SDCCAG8: variants seen among roughly 807,000 people sequenced by gnomAD.
The protein encoded by SDCCAG8 is serologically defined colon cancer antigen 8.
Under a neutral mutation model 101.8 loss-of-function variants are expected in SDCCAG8, and 74 were observed. The observed-to-expected ratio is 0.73, with a 90% CI of 0.60 to 0.88. SDCCAG8 has a LOEUF of 0.88. SDCCAG8 is among the 40% of genes least tolerant of loss of function. The probability of loss-of-function intolerance (pLI) is 0.00; values close to 1 mark genes in which losing one functional copy is unlikely to be tolerated. For missense variants in SDCCAG8, 787 were observed against 822.6 expected, an observed-to-expected ratio of 0.96 and a Z score of 0.53; for synonymous variants, 281 against 292.9, an observed-to-expected ratio of 0.96 and a Z score of 0.41.
chr1:243,484,924 G>A (rs1335364185), intron 16 of SDCCAG8, among the ~76,000 whole-genome samples: 2 of 151,996 alleles, frequency 1.3e-5, no homozygotes, highest in Non-Finnish European at 2.9e-5. Context: ...CGCGCCTATA[G>A]TCCCAGCTAC....
chr1:243,484,532 C>T (rs1481719703), intron 16 of SDCCAG8, among the ~76,000 whole-genome samples: 1 of 152,214 alleles, frequency 6.6e-6, no homozygotes, highest in East Asian at 1.9e-4. Context: ...TAAAAGTGCT[C>T]AGCATACGAC....
At chr1:243,285,779 C>T (rs552079585) in intron 4 of SDCCAG8, among the ~76,000 whole-genome samples, 1 of 152,282 alleles carries the variant, frequency 6.6e-6, no homozygotes, top group South Asian at 2.1e-4. Flanking sequence ...TCACAATTCT[C>T]CATGAAATGT....
intron 12 of SDCCAG8, among the ~76,000 whole-genome samples, chr1:243,351,018 G>A (rs1013190396): frequency 1.5e-4 from 23 of 152,184 alleles, no homozygotes; most frequent in African/African-American, 5.1e-4. Flanking sequence ...TCTCTGCTTT[G>A]TGTCTTTAAA....
intron 13 of SDCCAG8, 47 bp downstream of exon 13, chr1:243,378,910 T>G (rs1206273454): frequency 6.2e-7 from 1 of 1,612,768 alleles, no homozygotes; most frequent in Non-Finnish European, 8.5e-7. Context: ...TTCATTCCAC[T>G]GATTTTTGCC....
intron 9 of SDCCAG8, among the ~76,000 whole-genome samples, chr1:243,318,850 C>T (rs1037522735): frequency 2.0e-5 from 3 of 152,222 alleles, no homozygotes; most frequent in African/African-American, 7.2e-5. Context: ...TTGGCACTTA[C>T]TCTCAGGTCC....
chr1:243,306,098 A>C (rs934257916), intron 7 of SDCCAG8: 2 of 153,604 alleles, frequency 1.3e-5, no homozygotes, highest in African/African-American at 4.8e-5. Flanking sequence ...AAAAAAAAAA[A>C]AAAAAAAAAC....
intron 13 of SDCCAG8, among the ~76,000 whole-genome samples, chr1:243,404,611 G>A (rs1027185362): frequency 4.6e-5 from 7 of 152,232 alleles, no homozygotes; most frequent in African/African-American, 1.7e-4. Context: ...TTTTTCTTCT[G>A]TAGATGTAGT....
At chr1:243,361,784 T>C (rs978491493) in intron 12 of SDCCAG8, among the ~76,000 whole-genome samples, 4 of 152,240 alleles carry the variant, frequency 2.6e-5, no homozygotes, top group African/African-American at 9.6e-5. Flanking sequence ...GTATACTCTG[T>C]TATTCTCTCA....
At chr1:243,487,774 C>T (rs575459842) in intron 16 of SDCCAG8, 1 of 152,414 alleles carries the variant, frequency 6.6e-6, no homozygotes, top group East Asian at 1.9e-4. Flanking sequence ...AGTGCCGGCT[C>T]TGCCTGGGCG....
At chr1:243,325,978 A>T (rs2074119484) in intron 9 of SDCCAG8, among the ~76,000 whole-genome samples, 1 of 152,310 alleles carries the variant, frequency 6.6e-6, no homozygotes, top group South Asian at 2.1e-4. Flanking sequence ...AGCAGATGAA[A>T]AGGTTAACCA....
In SDCCAG8 at chr1:243,498,528, C is replaced by T. The variant is rs546600764; in HGVS notation, c.2113-1228C>T. On this transcript the variant is annotated intron_variant, in intron 17 of 17. Transcript: ENST00000366541. Reference sequence around the variant, plus strand: ...CAGGCCCCCCACCTACTCTAACTACCCTGCTGAGACCACCCCACTACTCAC... The same window carrying T: ...CAGGCCCCCCACCTACTCTAACTACTCTGCTGAGACCACCCCACTACTCAC... Among the ~76,000 whole-genome samples the T allele has an allele frequency of 1.3e-5, 2 of 152,324 alleles. 1 individual carries two copies. Among genetic ancestry groups the T allele is most frequent in the African/African-American group, 4.8e-5 (2 of 41,574 alleles).
chr1:243,327,027 GAA>G (rs1167172459), intron 9 of SDCCAG8, among the ~76,000 whole-genome samples: 1 of 152,040 alleles, frequency 6.6e-6, no homozygotes, highest in Middle Eastern at 3.2e-3. Flanking sequence ...TCCCAGAAAA[GAA>G]AAGGTACCTT....
At chr1:243,398,676 C>G (rs2079173732) in intron 13 of SDCCAG8, among the ~76,000 whole-genome samples, 2 of 152,054 alleles carry the variant, frequency 1.3e-5, no homozygotes, top group Admixed American at 1.3e-4. Context: ...AAAATAATAA[C>G]ATAAAACTCA....
chr1:243,378,562 G>A (rs1365962067), intron 12 of SDCCAG8, among the ~76,000 whole-genome samples, 159 bp from the exon 13 acceptor site: 2 of 152,016 alleles, frequency 1.3e-5, no homozygotes, highest in African/African-American at 2.4e-5. Context: ...TGCATTTTTG[G>A]ATGTGCTAAT....
At chr1:243,279,726 A>G (rs1335956548) in intron 4 of SDCCAG8, among the ~76,000 whole-genome samples, 1 of 152,244 alleles carries the variant, frequency 6.6e-6, no homozygotes, top group African/African-American at 2.4e-5. Flanking sequence ...CAAATGTCGA[A>G]CCAATGTTGT....
chr1:243,326,740 T>G (rs905309410), intron 9 of SDCCAG8, among the ~76,000 whole-genome samples: 4 of 152,230 alleles, frequency 2.6e-5, no homozygotes, highest in Non-Finnish European at 4.4e-5. Context: ...CATAAGATCT[T>G]AATTCCTTAG....
At chr1:243,444,819 G>A (rs932131605) in intron 16 of SDCCAG8, among the ~76,000 whole-genome samples, 1 of 152,132 alleles carries the variant, frequency 6.6e-6, no homozygotes, top group Non-Finnish European at 1.5e-5. Flanking sequence ...TCTCAGAAAT[G>A]CAACTTTGTA....
intron 15 of SDCCAG8, among the ~76,000 whole-genome samples, chr1:243,424,098 C>A (rs1466678206): frequency 6.6e-6 from 1 of 152,002 alleles, no homozygotes; most frequent in Admixed American, 6.6e-5. Flanking sequence ...ATTTCTTATA[C>A]TTTTTAATTG....
intron 13 of SDCCAG8, among the ~76,000 whole-genome samples, chr1:243,413,913 G>C (rs529882808): frequency 6.6e-6 from 1 of 152,166 alleles, no homozygotes; most frequent in Non-Finnish European, 1.5e-5. Context: ...GCCTCCTCTC[G>C]TAAGACTTAA....
Sources: allele counts gnomAD v4.1 joint callset (sites outside exome capture counted in the v4.1 genomes callset), GRCh38; gene constraint gnomAD v4.1.1; transcripts MANE v1.5; gene names NCBI Gene and HGNC (gene_info 2026-07-23, HGNC 2026-07-21).